The following WDR27 variants were observed in gnomAD, a reference collection of about 807,000 sequenced individuals.
The protein encoded by WDR27 is WD repeat-containing protein 27.
WDR27 carries 100 observed loss-of-function variants against 114.4 expected under a neutral mutation model. That is an observed-to-expected ratio of 0.87 (90% CI 0.74 to 1.03). The LOEUF (loss-of-function observed/expected upper bound fraction) is 1.03, where lower values mean the gene tolerates loss of function less well. Among genes scored for constraint, WDR27 ranks in the 50% least tolerant of loss-of-function variants. The pLI, the probability that WDR27 is intolerant of heterozygous loss-of-function variation, is 0.00. For synonymous variants in WDR27, 449 were observed against 423.1 expected, an observed-to-expected ratio of 1.06 and a Z score of -0.75; for missense variants, 1,129 against 1,092.9, an observed-to-expected ratio of 1.03 and a Z score of -0.47.
At chr6:169,456,324 TGA>T (rs908204619), downstream of WDR27, among the ~76,000 whole-genome samples, 6 of 152,252 alleles carry the variant, frequency 3.9e-5, no homozygotes, top group East Asian at 9.7e-4. This position sits in a 1 kb window ranked among gnomAD's most constrained non-coding sequence, Gnocchi z 4.0. Flanking sequence ...TCTTAGAAGG[TGA>T]GGTCACAGCA....
intron 25 of WDR27, among the ~76,000 whole-genome samples, chr6:169,538,737 A>ACAC (rs1584064726): frequency 3.3e-5 from 4 of 120,862 alleles, no homozygotes; most frequent in East Asian, 5.4e-4. Flanking sequence ...CACACACACA[A>ACAC]ACACACTTAT....
the WDR27 span, among the ~76,000 whole-genome samples, chr6:169,429,703 C>T: frequency 6.6e-6 from 1 of 152,158 alleles, no homozygotes; most frequent in Non-Finnish European, 1.5e-5. Context: ...TCGGGCACCA[C>T]AGTCATCTGA....
At chr6:169,573,545 G>A (rs971453170) in intron 24 of WDR27, among the ~76,000 whole-genome samples, 6 of 152,106 alleles carry the variant, frequency 3.9e-5, no homozygotes, top group African/African-American at 1.4e-4. Context: ...TGAGGATTTG[G>A]GAGCACACGG....
At chr6:169,516,202 T>C (rs2128057091) in intron 25 of WDR27, among the ~76,000 whole-genome samples, 1 of 152,314 alleles carries the variant, frequency 6.6e-6, no homozygotes, top group East Asian at 1.9e-4. Context: ...ACATAACAGC[T>C]GAATCCTGAA....
chr6:169,614,234 C>T (rs1264438651), intron 21 of WDR27, among the ~76,000 whole-genome samples: 3 of 152,234 alleles, frequency 2.0e-5, no homozygotes, highest in South Asian at 4.1e-4. Context: ...CAAAACATCA[C>T]CTAAACATTT....
At chr6:169,692,123 T>C (rs570551913) in intron 1 of WDR27, among the ~76,000 whole-genome samples, 2 of 152,314 alleles carry the variant, frequency 1.3e-5, no homozygotes, top group East Asian at 3.9e-4. Context: ...GAGAAGGATG[T>C]AACCTTACCT....
rs189642523 is a variant in WDR27, at chr6:169,599,144, C to A, written c.2424+3075G>T. On this transcript the variant is annotated intron_variant, in intron 23 of 25. Coordinates refer to ENST00000448612, the MANE Select transcript of WDR27 (RefSeq NM_182552.5). ...CTAATGCTATCCCTCCCCCCTCCCC[C>A]CACACCACAACAGGCCCTGGTGTGT... 2.9e-3 allele frequency among the ~76,000 whole-genome samples: 433 copies of A among 150,528 alleles called. 4 individuals carry two copies. Among genetic ancestry groups the A allele is most frequent in the East Asian group, 0.024 (121 of 5,052 alleles).
At chr6:169,698,007 TGATGAGTG>T (rs1487436909) in intron 1 of WDR27, among the ~76,000 whole-genome samples, 1 of 152,204 alleles carries the variant, frequency 6.6e-6, no homozygotes, top group East Asian at 1.9e-4. Context: ...TTGCATTTCC[TGATGAGTG>T]CATAGTAAAG....
At chr6:169,670,519 G>A (rs1290993304) in intron 4 of WDR27, 50 bp downstream of exon 4, 1 of 1,607,866 alleles carries the variant, frequency 6.2e-7, no homozygotes, top group African/African-American at 1.3e-5. Flanking sequence ...AACCTGGGAG[G>A]CCCCATCAGC....
chr6:169,672,610 A>G (rs147257736), intron 2 of WDR27, among the ~76,000 whole-genome samples: 7 of 152,174 alleles, frequency 4.6e-5, no homozygotes, highest in African/African-American at 1.7e-4. Context: ...TGTCACACAC[A>G]CTAATAAAAA....
intron 25 of WDR27, among the ~76,000 whole-genome samples, chr6:169,476,642 T>C (rs1787216034): frequency 6.6e-6 from 1 of 152,188 alleles, no homozygotes; most frequent in South Asian, 2.1e-4. Flanking sequence ...AACAGCAGTT[T>C]ATTAGAGATT....
At chr6:169,605,107 G>GAAAAA (rs1562675799) in intron 22 of WDR27, among the ~76,000 whole-genome samples, 1 of 32,358 alleles carries the variant, frequency 3.1e-5, no homozygotes, top group East Asian at 5.7e-3. Context: ...GAGCAATTAG[G>GAAAAA]CAAAAAAAAA....
At chr6:169,481,658 C>A (rs972562856) in intron 25 of WDR27, among the ~76,000 whole-genome samples, 4 of 152,140 alleles carry the variant, frequency 2.6e-5, no homozygotes, top group African/African-American at 9.7e-5. Flanking sequence ...GTAACACTCA[C>A]CGCAAAGGTC....
chr6:169,675,481 C>T (rs1034023354), intron 2 of WDR27, among the ~76,000 whole-genome samples: 18 of 152,108 alleles, frequency 1.2e-4, no homozygotes, highest in African/African-American at 4.1e-4. Context: ...TATGAGTGAC[C>T]ATGGTCCATG....
chr6:169,563,168 C>T (rs1799914431), intron 25 of WDR27, among the ~76,000 whole-genome samples: 1 of 152,160 alleles, frequency 6.6e-6, no homozygotes, highest in East Asian at 1.9e-4. Flanking sequence ...GCTCAGTCCG[C>T]CCTGGACGCC....
chr6:169,473,117 A>AT (rs1786648213), intron 25 of WDR27, among the ~76,000 whole-genome samples: 1 of 152,252 alleles, frequency 6.6e-6, no homozygotes. Flanking sequence ...GAAAATGGCA[A>AT]CAAAGAAAAA....
At chr6:169,639,534 A>C (rs898564720) in intron 17 of WDR27, among the ~76,000 whole-genome samples, 3 of 151,744 alleles carry the variant, frequency 2.0e-5, no homozygotes, top group African/African-American at 7.3e-5. Context: ...GACAGATTTG[A>C]AAAGTTTTGT....
rs769394461 is a variant in WDR27 at position 169,668,199 on chromosome 6, G to T, written c.457-14C>A. On this transcript the variant is annotated splice_polypyrimidine_tract_variant and intron_variant, in intron 4 of 25. Transcript: ENST00000448612. ...AGAAAATCGCTGCTATTAAAATAAA[G>T]CCCAAATTATTCCTCTGTTCAAGCT... 3 of 1,613,374 alleles carry T rather than the reference G, an allele frequency of 1.9e-6. No homozygotes were observed. Among genetic ancestry groups the T allele is most frequent in the Non-Finnish European group, 2.5e-6 (3 of 1,179,464 alleles).
chr6:169,667,977 C>T lies in WDR27; in HGVS notation c.660+5G>A, dbSNP rs1371824028. On this transcript the variant is annotated splice_donor_5th_base_variant and intron_variant, in intron 5 of 25. Transcript: ENST00000448612. ...CGGGAACGCCATCCAGCGTCCATCC[C>T]TCACCTTAAAGCCTCTGTCCTCAGA... 6.2e-7 allele frequency: 1 copy of T among 1,611,438 alleles called. No individual in the cohort carries two copies. The highest frequency in any genetic ancestry group is 1.7e-5 in the Admixed American group (1 of 59,638).
Sources: allele counts gnomAD v4.1 joint callset (sites outside exome capture counted in the v4.1 genomes callset), GRCh38; gene constraint gnomAD v4.1.1; non-coding constraint Gnocchi (gnomAD v3.1); transcripts MANE v1.5; gene names NCBI Gene and HGNC (gene_info 2026-07-23, HGNC 2026-07-21).